Variants in CES4A observed in about 807,000 individuals in gnomAD.
CES4A encodes the protein carboxylesterase 6.
Under a neutral mutation model 65.4 loss-of-function variants are expected in CES4A, and 48 were observed. The ratio of observed to expected loss-of-function variants is 0.73; its 90% CI spans 0.58 to 0.93. The LOEUF (loss-of-function observed/expected upper bound fraction) is 0.93, where lower values mean the gene tolerates loss of function less well. Among genes scored for constraint, CES4A ranks in the 40% least tolerant of loss-of-function variants. The pLI is 0.00. For synonymous variants in CES4A, 247 were observed against 281.8 expected, an observed-to-expected ratio of 0.88 and a Z score of 1.24; for missense variants, 685 against 728.5, an observed-to-expected ratio of 0.94 and a Z score of 0.69.
At chr16:66,988,975 C>A (rs1210056079) in intron 1 of CES4A, 145 bp downstream of exon 1, 1 of 977,966 alleles carries the variant, frequency 1.0e-6, no homozygotes, top group Non-Finnish European at 1.5e-6. Flanking sequence ...GGTTTCAGGA[C>A]ACTAAACCAT....
rs754252916 is a variant in CES4A at position 67,000,655 on chromosome 16, G to C, written c.278G>C (p.Trp93Ser). The C allele has an allele frequency of 5.2e-6, 8 of 1,548,958 alleles. No individual in the cohort carries two copies. The South Asian group carries it at 9.5e-5, about 18-fold the overall frequency. The change falls in exon 3 of 14, where the codon TGG (tryptophan) becomes TCG (serine). Residue 93 changes from tryptophan to serine, a missense_variant. Transcript: ENST00000648724. The surrounding 1 kb of genome is among the most constrained non-coding windows in gnomAD (Gnocchi z 4.2). ...GCCCGCAGGTGCCTGCAGGAGTCCT[G>C]GGGCCAGCTGGCCTCGATGTACGTC...
Position 67,009,004 on chromosome 16 carries a change from G to A in CES4A, c.1548G>A (p.Trp516Ter). 6.2e-7 allele frequency: 1 copy of A among 1,614,076 alleles called. No homozygotes were observed. The highest frequency in any genetic ancestry group is 8.5e-7 in the Non-Finnish European group (1 of 1,180,004). ...CCAATGATGGGAATCTGCCCTGCTG[G>A]CCACGCTACAACAAGGATGAAAAGT... Residue 516 changes from tryptophan to a stop codon, truncating the protein, a stop_gained, in exon 14 of 14, where the codon TGG (tryptophan) becomes TGA (stop). Coordinates refer to ENST00000648724, the Ensembl canonical transcript of CES4A. LOFTEE classifies it low-confidence loss of function (END_TRUNC).
chr16:66,990,867 G>A (rs746875350), intron 1 of CES4A, among the ~76,000 whole-genome samples: 3 of 151,994 alleles, frequency 2.0e-5, no homozygotes, highest in Non-Finnish European at 4.4e-5. Flanking sequence ...AGATATAAAT[G>A]ATGCTTCCAG....
exon 14 of CES4A, chr16:67,009,427 G>A (rs1966016470): frequency 6.4e-6 from 2 of 310,210 alleles, no homozygotes; most frequent in African/African-American, 2.1e-5. Context: ...TCCAGCCTCA[G>A]GACAACCTCT....
rs1222105925 is a variant in CES4A, at chr16:67,001,713, G to A, written c.690+252G>A. Among the ~76,000 whole-genome samples the A allele has an allele frequency of 6.6e-6, 1 of 152,230 alleles. No individual in the cohort carries two copies. The highest frequency in any genetic ancestry group is 2.4e-5 in the African/African-American group (1 of 41,456). ...GGCTTGGGGTAATCAGTGAATCCAG[G>A]TGCTACCCAGCACCTTCTGCCTCTC... On this transcript the variant is annotated intron_variant, in intron 5 of 13. Coordinates refer to ENST00000648724, the Ensembl canonical transcript of CES4A. The surrounding 1 kb of genome is among the most constrained non-coding windows in gnomAD (Gnocchi z 4.1).
intron 2 of CES4A, among the ~76,000 whole-genome samples, chr16:66,996,417 G>A (rs576454510): frequency 6.6e-6 from 1 of 152,236 alleles, no homozygotes; most frequent in African/African-American, 2.4e-5. Context: ...GGGGAGCTGC[G>A]TTTTCCTAAA....
At chr16:66,993,744 A>T (rs1964578952) in intron 1 of CES4A, among the ~76,000 whole-genome samples, 4 of 152,234 alleles carry the variant, frequency 2.6e-5, no homozygotes, top group African/African-American at 9.6e-5. Flanking sequence ...GCATATGAGT[A>T]AGAATGCATA....
intron 1 of CES4A, among the ~76,000 whole-genome samples, chr16:66,991,245 G>A (rs1020425675): frequency 2.6e-5 from 4 of 152,012 alleles, no homozygotes; most frequent in Non-Finnish European, 4.4e-5. Context: ...GGCTGGTCTC[G>A]AACTCCTGAC....
At chr16:67,009,120 C>T in exon 14 of CES4A, 1 of 1,612,886 alleles carries the variant, frequency 6.2e-7, no homozygotes, top group Non-Finnish European at 8.5e-7. Flanking sequence ...TCTCAAAGAC[C>T]TGAGAAGCAG....
intron 1 of CES4A, among the ~76,000 whole-genome samples, chr16:66,995,312 A>T (rs969345514): frequency 4.6e-5 from 7 of 151,244 alleles, no homozygotes; most frequent in Non-Finnish European, 7.4e-5. Context: ...TCCATCTCAA[A>T]AAATAAATAA....
intron 2 of CES4A, among the ~76,000 whole-genome samples, chr16:66,996,487 C>T (rs1020261199): frequency 6.6e-6 from 1 of 152,184 alleles, no homozygotes; most frequent in Non-Finnish European, 1.5e-5. Flanking sequence ...CGGAGCTCTT[C>T]CCTCTCTCTG....
chr16:66,997,760 A>G (rs1048548352), intron 2 of CES4A, among the ~76,000 whole-genome samples: 1 of 152,080 alleles, frequency 6.6e-6, no homozygotes, highest in Admixed American at 6.5e-5. Flanking sequence ...ACTTGAGCTC[A>G]GGAGTTTGAG....
At chr16:67,004,624 G>A (rs186129050) in intron 9 of CES4A, among the ~76,000 whole-genome samples, 169 bp from the exon 10 acceptor site, 588 of 152,270 alleles carry the variant, frequency 3.9e-3, no homozygotes, top group Non-Finnish European at 6.9e-3. Flanking sequence ...GTGATGAGCA[G>A]GATGGGAGCA....
chr16:67,000,427 G>C lies in CES4A; in HGVS notation c.261-211G>C. The C allele has an allele frequency of 7.3e-7, 1 of 1,379,004 alleles. No homozygotes were observed. The highest frequency in any genetic ancestry group is 9.4e-7 in the Non-Finnish European group (1 of 1,063,990). The allele number at this position is 1,379,004 out of a possible 1,614,324, so 85.4% of individuals were successfully genotyped here. A position where few individuals can be genotyped will look rare whatever the true frequency, so the allele number is the denominator to read the frequency against. On this transcript the variant is annotated intron_variant, in intron 2 of 13. Coordinates refer to ENST00000648724, the Ensembl canonical transcript of CES4A. The surrounding 1 kb of genome is among the most constrained non-coding windows in gnomAD (Gnocchi z 4.2). ...TCCACGGACTGAGGCGCCGGGCAGG[G>C]AGGGGATGGTTCCTGAGAGGCCAAC...
At chr16:67,009,036 A>C (rs1408026728) in exon 14 of CES4A, 1 of 1,614,268 alleles carries the variant, frequency 6.2e-7, no homozygotes, top group Admixed American at 1.7e-5. Flanking sequence ...AAGTACCTGC[A>C]GCTGGATTTT....
chr16:67,003,384 T>TG lies in CES4A; in HGVS notation c.900+25dup, dbSNP rs759449310. 3.1e-6 allele frequency: 5 copies of TG among 1,608,408 alleles called. No homozygotes were observed. Among genetic ancestry groups the TG allele is most frequent in the Admixed American group, 1.7e-5 (1 of 60,014 alleles). ...TGGTAGGTAGAACATTCCAGCTGCC[T>TG]GACCTGGCTGCCTGAGGGCCATCCT... On this transcript the variant is annotated intron_variant, in intron 7 of 13. Transcript: ENST00000648724. This position sits in a 1 kb window ranked among gnomAD's most constrained non-coding sequence, Gnocchi z 4.2.
At chr16:66,998,829 C>G (rs978070629) in intron 2 of CES4A, among the ~76,000 whole-genome samples, 4 of 151,898 alleles carry the variant, frequency 2.6e-5, no homozygotes, top group Non-Finnish European at 5.9e-5. Context: ...CCACTGCACT[C>G]CAGCCTGGCC....
intron 2 of CES4A, 119 bp downstream of exon 2, chr16:66,995,948 C>G (rs1964811508): frequency 2.1e-6 from 2 of 936,010 alleles, no homozygotes; most frequent in Non-Finnish European, 3.3e-6. Context: ...GGCCTGGGGC[C>G]CATTCTGGGC....
chr16:66,992,085 T>C (rs561745812), intron 1 of CES4A, among the ~76,000 whole-genome samples: 4 of 152,346 alleles, frequency 2.6e-5, no homozygotes, highest in African/African-American at 9.6e-5. Flanking sequence ...TCAGGGCAAA[T>C]CCAGGTAATG....
Sources: gnomAD v4.1 joint callset for allele counts (sites outside exome capture counted in the v4.1 genomes callset) on GRCh38, gnomAD v4.1.1 for gene constraint, Gnocchi (gnomAD v3.1) non-coding constraint, MANE v1.5 for transcripts, NCBI Gene and HGNC (gene_info 2026-07-23, HGNC 2026-07-21) for gene names.